Variants in ACTA2 observed in about 807,000 individuals in gnomAD.
The protein encoded by ACTA2 is actin alpha 2, smooth muscle, also known as actin, aortic smooth muscle.
A neutral mutation model predicts 39.5 loss-of-function variants in ACTA2; 12 were observed. The observed-to-expected ratio is 0.30, with a 90% CI of 0.19 to 0.49. The LOEUF is 0.49. Among genes scored for constraint, ACTA2 ranks in the 20% least tolerant of loss-of-function variants. The pLI, the probability that ACTA2 is intolerant of heterozygous loss-of-function variation, is 0.99. For missense variants in ACTA2, 236 were observed against 498.8 expected, an observed-to-expected ratio of 0.47 and a Z score of 5.02; for synonymous variants, 158 against 180.6, an observed-to-expected ratio of 0.88 and a Z score of 1.00.
At chr10:88,968,638 C>T (rs1214940126) in intron 1 of ACTA2, among the ~76,000 whole-genome samples, 1 of 152,138 alleles carries the variant, frequency 6.6e-6, no homozygotes. Flanking sequence ...AGTCAAAATA[C>T]CACTCCAGAG....
upstream of ACTA2, among the ~76,000 whole-genome samples, chr10:88,954,724 C>T (rs1377506706): frequency 6.6e-6 from 1 of 151,948 alleles, no homozygotes; most frequent in Non-Finnish European, 1.5e-5. Flanking sequence ...GAAGAGGACT[C>T]AAGGTTTAGT....
intron 1 of ACTA2, among the ~76,000 whole-genome samples, chr10:88,949,686 A>G (rs1042859779): frequency 6.6e-6 from 1 of 152,184 alleles, no homozygotes; most frequent in African/African-American, 2.4e-5. Flanking sequence ...TACTGCCATT[A>G]AAAAGGTAGA....
At chr10:88,949,990 A>T (rs1278933746) in intron 1 of ACTA2, among the ~76,000 whole-genome samples, 2 of 152,204 alleles carry the variant, frequency 1.3e-5, no homozygotes, top group African/African-American at 4.8e-5. Flanking sequence ...GGATCCTTTC[A>T]TAAAATTAGA....
chr10:88,972,941 T>TTGTGTA (rs1254686418), intron 1 of ACTA2, among the ~76,000 whole-genome samples: 2 of 152,176 alleles, frequency 1.3e-5, no homozygotes, highest in Non-Finnish European at 2.9e-5. Flanking sequence ...AAGATTGTGT[T>TTGTGTA]TGTGTATGTG....
rs778357057 is a variant in ACTA2, at chr10:88,990,953, G to T, written c.-38C>A. On this transcript the variant is annotated 5_prime_UTR_variant, in exon 1 of 5. Coordinates refer to the ACTA2 transcript ENST00000415557. This position sits in a 1 kb window ranked among gnomAD's most constrained non-coding sequence, Gnocchi z 4.9. The stretch of plus-strand genomic sequence containing the variant: ...TGGAGGCTTACCCCGTCTTAGTCCC[G>T]GGGATAGGCAAAGTGGGGCGGGCGC... 11 of 1,613,632 alleles carry T rather than the reference G, an allele frequency of 6.8e-6. No homozygotes were observed. Among genetic ancestry groups the T allele is most frequent in the Non-Finnish European group, 9.3e-6 (11 of 1,179,594 alleles).
rs74543148 is a variant in ACTA2, at chr10:88,984,611, C to T, written c.-24+6328G>A. ...TGTTGATTTTTGTTTTGCTTTAATACACTAAGGGAACTTCAAAAGGCTGAT... is the reference window on the plus strand; with the variant it reads ...TGTTGATTTTTGTTTTGCTTTAATATACTAAGGGAACTTCAAAAGGCTGAT... On this transcript the variant is annotated intron_variant, in intron 1 of 4. Coordinates refer to the ACTA2 transcript ENST00000415557. 7.6e-3 allele frequency among the ~76,000 whole-genome samples: 1,154 copies of T among 151,968 alleles called. 9 individuals carry two copies. Among genetic ancestry groups the T allele is most frequent in the African/African-American group, 0.026 (1,090 of 41,538 alleles).
At chr10:88,952,094 G>A (rs923111001) in intron 1 of ACTA2, among the ~76,000 whole-genome samples, 3 of 152,156 alleles carry the variant, frequency 2.0e-5, no homozygotes, top group Admixed American at 6.5e-5. Flanking sequence ...CACCTGCTGC[G>A]CTCTGCTGCA....
At chr10:88,987,336 G>A (rs1428573637) in intron 1 of ACTA2, among the ~76,000 whole-genome samples, 1 of 152,180 alleles carries the variant, frequency 6.6e-6, no homozygotes, top group Non-Finnish European at 1.5e-5. Flanking sequence ...GATTTTTTCA[G>A]TTGTAAGAAT....
At position 88,935,272 on chromosome 10, in the gene ACTA2, T is replaced by A. The variant is rs1845711991; in HGVS notation, c.1085A>T (p.Gln362Leu). The change falls in exon 9 of 9, where the codon CAG becomes CTG. Residue 362 changes from glutamine (Q) to leucine (L), a missense_variant. Gln to Leu is a moderately radical substitution (Grantham distance 113). Transcript: ENST00000224784. The part of the protein sequence containing the change: ...STFQQMWISK[Q>L]EYDEAGPSIV... ...GGAAGGCCCGGCTTCATCGTATTCCTGTTTGCTGATCCACATCTGCTGGAA... is the reference window on the plus strand; with the variant it reads ...GGAAGGCCCGGCTTCATCGTATTCCAGTTTGCTGATCCACATCTGCTGGAA... 1 of 1,613,852 alleles carries A rather than the reference T, an allele frequency of 6.2e-7. No homozygotes were observed. Among genetic ancestry groups the A allele is most frequent in the African/African-American group, 1.3e-5 (1 of 74,916 alleles).
At chr10:88,955,620 T>G (rs2133288872), upstream of ACTA2, among the ~76,000 whole-genome samples, 1 of 152,364 alleles carries the variant, frequency 6.6e-6, no homozygotes, top group African/African-American at 2.4e-5. Context: ...GAAATTTGAC[T>G]GGACACTTTC....
upstream of ACTA2, among the ~76,000 whole-genome samples, chr10:88,957,332 A>C (rs953226003): frequency 1.3e-5 from 2 of 152,210 alleles, no homozygotes; most frequent in African/African-American, 2.4e-5. Context: ...GCAGAATAGC[A>C]CCTGTTAGAT....
chr10:88,962,047 G>A (rs964086446), intron 1 of ACTA2, among the ~76,000 whole-genome samples: 3 of 151,984 alleles, frequency 2.0e-5, no homozygotes, highest in African/African-American at 7.2e-5. Flanking sequence ...TGCCTATTGG[G>A]GCAAGGATGA....
At chr10:88,972,898 G>T (rs2133327649) in intron 1 of ACTA2, among the ~76,000 whole-genome samples, 1 of 152,136 alleles carries the variant, frequency 6.6e-6, no homozygotes, top group East Asian at 1.9e-4. Flanking sequence ...AGGTAATTTT[G>T]TAGGATACTA....
intron 1 of ACTA2, among the ~76,000 whole-genome samples, chr10:88,961,992 A>G (rs1441271965): frequency 6.6e-6 from 1 of 152,174 alleles, no homozygotes; most frequent in Non-Finnish European, 1.5e-5. Flanking sequence ...GCCATGCATC[A>G]GTAATCTATA....
intron 1 of ACTA2, among the ~76,000 whole-genome samples, chr10:88,950,986 A>G (rs1241390101): frequency 2.0e-5 from 3 of 152,108 alleles, no homozygotes; most frequent in African/African-American, 7.2e-5. Context: ...TTCTTTCCAC[A>G]CTGCTCCAGG....
At chr10:88,954,863 C>G (rs1846107989), upstream of ACTA2, among the ~76,000 whole-genome samples, 1 of 151,832 alleles carries the variant, frequency 6.6e-6, no homozygotes. Flanking sequence ...AGTTTCACAT[C>G]CCATCCAAGT....
intron 8 of ACTA2, among the ~76,000 whole-genome samples, chr10:88,937,328 C>T (rs572697324): frequency 2.6e-4 from 39 of 152,296 alleles, no homozygotes; most frequent in East Asian, 3.9e-4. Flanking sequence ...CCCTCTACTT[C>T]CTGTGACATG....
intron 1 of ACTA2, among the ~76,000 whole-genome samples, chr10:88,976,257 G>A (rs61852569): frequency 0.088 from 13,458 of 152,196 alleles, 780 homozygotes; most frequent in Non-Finnish European, 0.14. Context: ...TTACGAATTC[G>A]TGTTGGGCTG....
chr10:88,936,641 G>A (rs748983709), intron 8 of ACTA2, among the ~76,000 whole-genome samples: 1 of 146,782 alleles, frequency 6.8e-6, no homozygotes, highest in Admixed American at 7.2e-5. Context: ...ACCATGATTC[G>A]AAGCTTTCTG....
Sources: allele counts gnomAD v4.1 joint callset (sites outside exome capture counted in the v4.1 genomes callset), GRCh38; gene constraint gnomAD v4.1.1; non-coding constraint Gnocchi (gnomAD v3.1); transcripts MANE v1.5; gene names NCBI Gene and HGNC (gene_info 2026-07-23, HGNC 2026-07-21).